Variants in ZEB1 observed in about 807,000 individuals in gnomAD.
ZEB1 encodes the protein zinc finger E-box binding homeobox 1.
Under a neutral mutation model 84.9 loss-of-function variants are expected in ZEB1, and 21 were observed. The observed-to-expected ratio is 0.25, with a 90% confidence interval of 0.18 to 0.36. The LOEUF is 0.36. ZEB1 is among the 10% of genes least tolerant of loss of function. The pLI is 1.00. For synonymous variants in ZEB1, 420 were observed against 471.1 expected (o/e 0.89, Z 1.41); for missense variants, 1,104 against 1,330.2 (o/e 0.83, Z 2.65).
intron 2 of ZEB1, among the ~76,000 whole-genome samples, chr10:31,487,879 CAT>C (rs2065947527): frequency 1.3e-5 from 2 of 151,092 alleles, no homozygotes; most frequent in Non-Finnish European, 1.5e-5. Context: ...TTGAAATGAT[CAT>C]ATGGTTTTAC....
intron 1 of ZEB1, among the ~76,000 whole-genome samples, chr10:31,375,994 A>T (rs1030713894): frequency 6.6e-6 from 1 of 151,754 alleles, no homozygotes; most frequent in African/African-American, 2.4e-5. Context: ...AAATCATCAT[A>T]TTGACAATTA....
intron 1 of ZEB1, among the ~76,000 whole-genome samples, chr10:31,380,356 G>A (rs192754446): frequency 1.3e-5 from 2 of 152,272 alleles, no homozygotes; most frequent in African/African-American, 4.8e-5. Flanking sequence ...TTCAGCTTTG[G>A]TTTTGGTGTT....
At chr10:31,334,168 C>T (rs2037472572) in intron 1 of ZEB1, among the ~76,000 whole-genome samples, 1 of 151,968 alleles carries the variant, frequency 6.6e-6, no homozygotes, top group Admixed American at 6.6e-5. Context: ...AATAACAGGA[C>T]TTACAAGCCT....
At chr10:31,325,794 T>G (rs2035351077) in intron 1 of ZEB1, among the ~76,000 whole-genome samples, 1 of 151,992 alleles carries the variant, frequency 6.6e-6, no homozygotes. Flanking sequence ...ATTTTAAATG[T>G]TTAAGATATT....
intron 2 of ZEB1, among the ~76,000 whole-genome samples, chr10:31,478,663 T>C (rs1397241116): frequency 6.6e-6 from 1 of 151,968 alleles, no homozygotes; most frequent in East Asian, 1.9e-4. Context: ...TGAAATACTA[T>C]GCAGTCATAA....
chr10:31,506,842 GATT>G (rs2069065443), intron 4 of ZEB1, among the ~76,000 whole-genome samples: 1 of 152,006 alleles, frequency 6.6e-6, no homozygotes, highest in African/African-American at 2.4e-5. Context: ...CTTTCTTACT[GATT>G]ATTATTGTGG....
intron 1 of ZEB1, among the ~76,000 whole-genome samples, chr10:31,356,877 T>A (rs1007778137): frequency 6.6e-5 from 10 of 152,286 alleles, no homozygotes; most frequent in East Asian, 3.9e-4. Flanking sequence ...TCAGGCTGAT[T>A]GTTACCCAAT....
At chr10:31,396,835 C>G (rs933512917) in intron 1 of ZEB1, among the ~76,000 whole-genome samples, 1 of 152,042 alleles carries the variant, frequency 6.6e-6, no homozygotes, top group Non-Finnish European at 1.5e-5. Context: ...AATATCTTCA[C>G]TCAGTATCCA....
At chr10:31,403,193 T>C (rs2052381374) in intron 1 of ZEB1, among the ~76,000 whole-genome samples, 1 of 152,096 alleles carries the variant, frequency 6.6e-6, no homozygotes, top group Non-Finnish European at 1.5e-5. Context: ...TTTATTTCTT[T>C]CTGTGTAAAA....
At chr10:31,470,503 A>G (rs1304122558) in intron 2 of ZEB1, among the ~76,000 whole-genome samples, 22 of 150,280 alleles carry the variant, frequency 1.5e-4, no homozygotes, top group Non-Finnish European at 3.3e-4. Context: ...CGAGAAGGAA[A>G]GTTTAGAGAA....
intron 1 of ZEB1, among the ~76,000 whole-genome samples, chr10:31,434,939 T>A (rs959354399): frequency 4.7e-4 from 71 of 152,132 alleles, no homozygotes; most frequent in African/African-American, 1.6e-3. Context: ...CTCATGGAGC[T>A]TACATTTTAG....
At chr10:31,504,062 G>A (rs531521988) in intron 4 of ZEB1, among the ~76,000 whole-genome samples, 11 of 139,862 alleles carry the variant, frequency 7.9e-5, no homozygotes, top group African/African-American at 3.7e-4. Flanking sequence ...AGTGTTTTCT[G>A]TATGTTTTCT....
chr10:31,515,293 GT>G (rs2070867045), intron 6 of ZEB1, among the ~76,000 whole-genome samples: 1 of 151,994 alleles, frequency 6.6e-6, no homozygotes, highest in South Asian at 2.1e-4. Flanking sequence ...CGATGAAAGT[GT>G]TGTGTCTATT....
intron 1 of ZEB1, among the ~76,000 whole-genome samples, chr10:31,415,214 G>T (rs1360064457): frequency 2.6e-5 from 4 of 152,144 alleles, no homozygotes; most frequent in Admixed American, 6.6e-5. Flanking sequence ...GACAGAGAGA[G>T]AACAGGATTT....
At chr10:31,362,347 C>T (rs1181068410) in intron 1 of ZEB1, among the ~76,000 whole-genome samples, 1 of 150,502 alleles carries the variant, frequency 6.6e-6, no homozygotes, top group Non-Finnish European at 1.5e-5. Context: ...AGAGGCGCTC[C>T]TCACTTCCCA....
chr10:31,471,469 A>G (rs1447331345), intron 2 of ZEB1, among the ~76,000 whole-genome samples: 2 of 151,448 alleles, frequency 1.3e-5, no homozygotes, highest in African/African-American at 4.8e-5. Context: ...GACGAAGGCC[A>G]TTACATAATG....
rs370801976 is a variant in ZEB1 at position 31,526,683 on chromosome 10, C to T, written c.2797C>T (p.His933Tyr). Reference sequence around the variant, plus strand: ...TTCTTATTTTGCAGGTAAAAGACCTCATGAGTGTGGAATCTGTAAAAAGGC... The same window carrying T: ...TTCTTATTTTGCAGGTAAAAGACCTTATGAGTGTGGAATCTGTAAAAAGGC... ...HKYEHTGKRP[H>Y]ECGICKKAFK... The change falls in exon 9 of 9, where the codon CAT becomes TAT. Residue 933 changes from histidine to tyrosine, a missense_variant. By Grantham distance (83) the His-to-Tyr change is moderately conservative. Coordinates refer to ENST00000424869, the MANE Select transcript of ZEB1 (RefSeq NM_001174096.2). 3.3e-5 allele frequency: 54 copies of T among 1,613,752 alleles called. 1 individual carries two copies. The highest frequency in any genetic ancestry group is 3.6e-5 in the Non-Finnish European group (43 of 1,179,992).
chr10:31,349,438 T>C (rs957843538), intron 1 of ZEB1, among the ~76,000 whole-genome samples: 2 of 152,198 alleles, frequency 1.3e-5, no homozygotes, highest in African/African-American at 4.8e-5. Flanking sequence ...TTTATAACTA[T>C]TGGTGAGACT....
At chr10:31,319,778 C>T (rs1190093983) in intron 1 of ZEB1, 1 of 153,486 alleles carries the variant, frequency 6.5e-6, no homozygotes, top group Admixed American at 6.6e-5. Context: ...GCGGAACAAA[C>T]TTGTGCCCGG....
Sources: allele counts gnomAD v4.1 joint callset (sites outside exome capture counted in the v4.1 genomes callset), GRCh38; gene constraint gnomAD v4.1.1; transcripts MANE v1.5; gene names NCBI Gene and HGNC (gene_info 2026-07-23, HGNC 2026-07-21).